Variants in ADORA2B observed in about 807,000 individuals in gnomAD.
ADORA2B encodes the protein adenosine A2b receptor.
In ADORA2B, 18 loss-of-function variants were observed where a neutral mutation model predicts 20.8. That is an observed-to-expected ratio of 0.87 (90% CI 0.60 to 1.29). The LOEUF is 1.29. Ranked by LOEUF, ADORA2B falls within the 50% of genes most tolerant of loss-of-function variation. ADORA2B has a pLI of 0.00. For missense variants in ADORA2B, 441 were observed against 422.7 expected (o/e 1.04, Z -0.38); for synonymous variants, 179 against 178.3 (o/e 1.00, Z -0.03).
chr17:15,956,652 A>G (rs1038167604), intron 1 of ADORA2B, among the ~76,000 whole-genome samples: 35 of 130,556 alleles, frequency 2.7e-4, no homozygotes, highest in African/African-American at 9.7e-4. Flanking sequence ...CTGGAGTGCA[A>G]TGGTGCAGTC....
At chr17:15,914,106 A>G in the ADORA2B span, among the ~76,000 whole-genome samples, 3 of 152,212 alleles carry the variant, frequency 2.0e-5, no homozygotes, top group South Asian at 6.2e-4. Flanking sequence ...AAGGAGGAAA[A>G]TGAGCCATAC....
chr17:15,898,362 C>T, the ADORA2B span, among the ~76,000 whole-genome samples: 8 of 151,986 alleles, frequency 5.3e-5, no homozygotes, highest in East Asian at 1.2e-3. Context: ...GGCGCGATCT[C>T]GGCTCACTGT....
the ADORA2B span, among the ~76,000 whole-genome samples, chr17:15,866,718 T>TGCCG: frequency 2.5e-4 from 32 of 127,512 alleles, no homozygotes; most frequent in African/African-American, 8.9e-4. Context: ...TGCCGCTGCC[T>TGCCG]CTGCCGCTGC....
chr17:15,897,672 T>G, the ADORA2B span, among the ~76,000 whole-genome samples: 2 of 152,120 alleles, frequency 1.3e-5, no homozygotes, highest in African/African-American at 4.8e-5. Context: ...CAGAAGAGGA[T>G]CACAAGTGTC....
At chr17:15,890,977 A>G in the ADORA2B span, among the ~76,000 whole-genome samples, 44 of 152,302 alleles carry the variant, frequency 2.9e-4, no homozygotes, top group South Asian at 1.7e-3. Flanking sequence ...CTAAAATTGG[A>G]TATCTGTGGC....
the ADORA2B span, among the ~76,000 whole-genome samples, chr17:15,939,334 C>T: frequency 6.6e-6 from 1 of 152,172 alleles, no homozygotes; most frequent in African/African-American, 2.4e-5. Flanking sequence ...AGCCACAGCG[C>T]CCGGCTGCTT....
chr17:15,942,835 C>T (rs1453114277), upstream of ADORA2B, among the ~76,000 whole-genome samples: 2 of 152,188 alleles, frequency 1.3e-5, no homozygotes, highest in Admixed American at 6.5e-5. Flanking sequence ...TTTCTCTTCA[C>T]TCTCCTGGGC....
the ADORA2B span, among the ~76,000 whole-genome samples, chr17:15,885,695 C>A: frequency 6.9e-6 from 1 of 144,956 alleles, no homozygotes; most frequent in Non-Finnish European, 1.5e-5. Context: ...GCCTGGACAA[C>A]AGAGCAAGAC....
intron 1 of ADORA2B, among the ~76,000 whole-genome samples, chr17:15,958,995 G>A (rs1341180419): frequency 6.6e-6 from 1 of 152,144 alleles, no homozygotes; most frequent in Non-Finnish European, 1.5e-5. Flanking sequence ...GTATGAACAT[G>A]TGTCTCTGTG....
the ADORA2B span, among the ~76,000 whole-genome samples, chr17:15,910,506 C>T: frequency 6.6e-6 from 1 of 152,106 alleles, no homozygotes; most frequent in East Asian, 1.9e-4. Context: ...ACCATGTTAG[C>T]CAGGCTCGTC....
At chr17:15,859,683 C>T in the ADORA2B span, among the ~76,000 whole-genome samples, 1 of 152,112 alleles carries the variant, frequency 6.6e-6, no homozygotes, top group Non-Finnish European at 1.5e-5. Flanking sequence ...TCATGGCATG[C>T]TCCTATAGTC....
intron 1 of ADORA2B, among the ~76,000 whole-genome samples, chr17:15,964,886 C>T (rs779322584): frequency 5.3e-5 from 8 of 151,866 alleles, no homozygotes; most frequent in African/African-American, 1.2e-4. Context: ...ACGGTGAAAC[C>T]CCGTCTCTAC....
At chr17:15,894,085 T>TA in the ADORA2B span, among the ~76,000 whole-genome samples, 1 of 152,126 alleles carries the variant, frequency 6.6e-6, no homozygotes, top group East Asian at 1.9e-4. Context: ...CCACAGAACA[T>TA]ACTTTGGAAA....
the ADORA2B span, among the ~76,000 whole-genome samples, chr17:15,898,414 C>T: frequency 6.6e-6 from 1 of 151,468 alleles, no homozygotes; most frequent in Non-Finnish European, 1.5e-5. Context: ...CTGCATCAGC[C>T]TCCCGAGTAG....
At chr17:15,877,888 ATTTAGTTTGCTTAGGTCTGTT>A in the ADORA2B span, among the ~76,000 whole-genome samples, 39 of 151,832 alleles carry the variant, frequency 2.6e-4, 1 homozygote, top group African/African-American at 9.4e-4. Context: ...CTGGCTTGGG[ATTTAGTTTGCTTAGGTCTGTT>A]ATGTTAGTTA....
chr17:15,905,476 G>C, the ADORA2B span, among the ~76,000 whole-genome samples: 41 of 152,128 alleles, frequency 2.7e-4, no homozygotes, highest in Non-Finnish European at 5.1e-4. Flanking sequence ...CACCTCCCGG[G>C]TTCAAGTGAT....
upstream of ADORA2B, among the ~76,000 whole-genome samples, chr17:15,942,817 T>C (rs1177835629): frequency 2.6e-5 from 4 of 152,286 alleles, no homozygotes; most frequent in East Asian, 7.7e-4. Flanking sequence ...CCTTCTCCAC[T>C]AGGCCTTTTT....
chr17:15,904,715 T>C, the ADORA2B span, among the ~76,000 whole-genome samples: 1 of 152,228 alleles, frequency 6.6e-6, no homozygotes. Flanking sequence ...TCATCCATTT[T>C]GAATTAATTT....
the ADORA2B span, among the ~76,000 whole-genome samples, chr17:15,912,912 T>A: frequency 6.6e-6 from 1 of 152,226 alleles, no homozygotes; most frequent in Non-Finnish European, 1.5e-5. Context: ...ACTTTACAGG[T>A]ACCTGGCTTC....
Sources: allele counts gnomAD v4.1 joint callset (sites outside exome capture counted in the v4.1 genomes callset), GRCh38; gene constraint gnomAD v4.1.1; transcripts MANE v1.5; gene names NCBI Gene and HGNC (gene_info 2026-07-23, HGNC 2026-07-21).